Variants in EYA4 observed in about 807,000 individuals in gnomAD.
EYA4 encodes the protein protein phosphatase EYA4.
Under a neutral mutation model 87.9 loss-of-function variants are expected in EYA4, and 31 were observed. The observed-to-expected ratio is 0.35, with a 90% CI of 0.27 to 0.48. The LOEUF (loss-of-function observed/expected upper bound fraction) is 0.48. Among genes scored for constraint, EYA4 ranks in the 20% least tolerant of loss-of-function variants. EYA4 has a pLI of 0.99. For missense variants in EYA4, 678 were observed against 761.4 expected (o/e 0.89, Z 1.29); for synonymous variants, 263 against 270.6 (o/e 0.97, Z 0.28).
chr6:133,456,686 G>T, intron 6 of EYA4, 38 bp downstream of exon 6: 1 of 1,234,638 alleles, frequency 8.1e-7, no homozygotes, highest in Non-Finnish European at 1.2e-6. Flanking sequence ...CGTACACATG[G>T]GGGTGCATCC....
intron 3 of EYA4, among the ~76,000 whole-genome samples, chr6:133,405,459 T>C (rs1788621211): frequency 6.6e-6 from 1 of 152,190 alleles, no homozygotes; most frequent in South Asian, 2.1e-4. Context: ...ATTCTTGCAT[T>C]GTCGTGATGA....
chr6:133,443,605 A>G (rs1193342911), intron 3 of EYA4, among the ~76,000 whole-genome samples: 1 of 152,068 alleles, frequency 6.6e-6, no homozygotes, highest in Non-Finnish European at 1.5e-5. Flanking sequence ...TAAAGTGGAA[A>G]CTTAGGTCAC....
At chr6:133,524,894 A>G (rs1024587037) in intron 18 of EYA4, 9 of 855,808 alleles carry the variant, frequency 1.1e-5, no homozygotes, top group African/African-American at 3.3e-5. Flanking sequence ...TGTTGATTTC[A>G]TAAACCCAGA....
chr6:133,529,759 A>C lies in EYA4; in HGVS notation c.*954A>C. ...TGGAAGGTTTGGGAAAGACTGTGGG[A>C]CCTTTACTTAGAAAGTGAAATGTAT... On this transcript the variant is annotated 3_prime_UTR_variant, in exon 20 of 20. Transcript: ENST00000355286. The C allele has an allele frequency of 1.0e-6, 1 of 985,118 alleles. No homozygotes were observed. The highest frequency in any genetic ancestry group is 1.2e-6 in the Non-Finnish European group (1 of 829,672). The allele number at this position is 985,118 out of a possible 1,614,324, so 61.0% of individuals were successfully genotyped here.
chr6:133,457,940 T>C (rs1794046101), intron 6 of EYA4, among the ~76,000 whole-genome samples: 1 of 152,208 alleles, frequency 6.6e-6, no homozygotes, highest in Non-Finnish European at 1.5e-5. Context: ...TTCAGAGCTC[T>C]CTGATCCGTT....
chr6:133,439,049 CAAAAAAAAAAAAAAAAA>C (rs56261819), intron 3 of EYA4, among the ~76,000 whole-genome samples: 1 of 64,024 alleles, frequency 1.6e-5, no homozygotes, highest in African/African-American at 6.6e-5. Context: ...GACTCCGTCT[CAAAAAAAAAAAAAAAAA>C]AAAAAAAAAA....
intron 1 of EYA4, among the ~76,000 whole-genome samples, chr6:133,250,796 G>T (rs1314448594): frequency 2.0e-5 from 3 of 152,208 alleles, no homozygotes; most frequent in Non-Finnish European, 4.4e-5. Context: ...TGCCTCATGG[G>T]GTTCTGATGA....
intron 3 of EYA4, among the ~76,000 whole-genome samples, chr6:133,398,520 C>G (rs1196914131): frequency 6.6e-6 from 1 of 151,592 alleles, no homozygotes; most frequent in Non-Finnish European, 1.5e-5. Context: ...ATTTTTTTTC[C>G]TCATATTTTC....
intron 2 of EYA4, among the ~76,000 whole-genome samples, chr6:133,333,574 T>C (rs772409362): frequency 1.2e-4 from 19 of 152,248 alleles, no homozygotes; most frequent in Non-Finnish European, 2.6e-4. Context: ...ATTTGCTTTC[T>C]TGAAGAAATT....
At chr6:133,410,420 A>C (rs1789108256) in intron 3 of EYA4, among the ~76,000 whole-genome samples, 1 of 151,842 alleles carries the variant, frequency 6.6e-6, no homozygotes, top group African/African-American at 2.4e-5. Flanking sequence ...AAGAAAATAT[A>C]TTATTTTGAG....
chr6:133,456,752 TC>T lies in EYA4; in HGVS notation c.370+106del, dbSNP rs145274552. ...AGCATCCAAGCTCTTAGAACTTTGA[TC>T]CTTATAAAGTTAGAAACAAATTCTT... On this transcript the variant is annotated intron_variant, in intron 6 of 19. Transcript: ENST00000355286. The T allele has an allele frequency of 4.1e-3, 3,092 of 753,602 alleles. 65 individuals carry two copies. The African/African-American group carries it at 0.046, about 11-fold the overall frequency. 46.7% of individuals were successfully genotyped at this position (753,602 alleles called of 1,614,324 possible).
At chr6:133,304,902 A>G (rs1779691277) in intron 2 of EYA4, among the ~76,000 whole-genome samples, 1 of 152,210 alleles carries the variant, frequency 6.6e-6, no homozygotes, top group African/African-American at 2.4e-5. Flanking sequence ...GAGATAGATA[A>G]GAAATAATAT....
chr6:133,415,654 C>CA lies in EYA4; in HGVS notation c.84-30975dup, dbSNP rs567653753. ...TCTCCTATAATTTACCATCTCCTGACATAATGCACAATTTACTTAGTTATT... is the reference window on the plus strand; with the variant it reads ...TCTCCTATAATTTACCATCTCCTGACAATAATGCACAATTTACTTAGTTATT... On this transcript the variant is annotated intron_variant, in intron 3 of 19. Coordinates refer to ENST00000355286, the MANE Select transcript of EYA4 (RefSeq NM_004100.5). 2.2e-3 allele frequency among the ~76,000 whole-genome samples: 337 copies of CA among 152,316 alleles called. 1 individual carries two copies. The highest frequency in any genetic ancestry group is 3.7e-3 in the Non-Finnish European group (249 of 68,032).
rs118166702 is a variant in EYA4 at position 133,523,045 on chromosome 6, C to T, written c.1617-11C>T. On this transcript the variant is annotated splice_polypyrimidine_tract_variant and intron_variant, in intron 17 of 19. Coordinates refer to ENST00000355286, the MANE Select transcript of EYA4 (RefSeq NM_004100.5). ...TAGAAAACAAACATGTATATTTCCT[C>T]CCTATTTTAGGAGTAACTGCATAAA... The T allele has an allele frequency of 3.1e-4, 502 of 1,605,806 alleles. No individual in the cohort carries two copies. Among genetic ancestry groups the T allele is most frequent in the Non-Finnish European group, 4.0e-4 (474 of 1,172,890 alleles).
At chr6:133,383,466 C>CGAGATTGT (rs577715598) in intron 3 of EYA4, among the ~76,000 whole-genome samples, 17 of 121,370 alleles carry the variant, frequency 1.4e-4, no homozygotes, top group Non-Finnish European at 2.2e-4. Context: ...TGCAGTGAGC[C>CGAGATTGT]GAGATTGTGC....
At chr6:133,462,899 A>T in intron 9 of EYA4, 135 bp downstream of exon 9, 2 of 823,010 alleles carry the variant, frequency 2.4e-6, no homozygotes, top group Non-Finnish European at 2.0e-6. Context: ...CTAAAGAAAG[A>T]TAACTAGACA....
chr6:133,272,594 G>A (rs948170009), intron 1 of EYA4, among the ~76,000 whole-genome samples: 2 of 152,210 alleles, frequency 1.3e-5, no homozygotes, highest in Non-Finnish European at 2.9e-5. Context: ...AAGGAAGGTA[G>A]TTATCTGTAG....
chr6:133,491,951 C>CAAAAAAAAAAAAAAAAAAAAA (rs34316449), intron 13 of EYA4, among the ~76,000 whole-genome samples: 3 of 83,740 alleles, frequency 3.6e-5, no homozygotes, highest in African/African-American at 1.4e-4. Flanking sequence ...AACTCCGTCT[C>CAAAAAAAAAAAAAAAAAAAAA]AAAAAAAAAA....
intron 1 of EYA4, among the ~76,000 whole-genome samples, chr6:133,249,259 A>C (rs1181632833): frequency 6.6e-6 from 1 of 152,162 alleles, no homozygotes; most frequent in Non-Finnish European, 1.5e-5. Context: ...TCAGGTATTC[A>C]AATTAGCTTT....
Sources: allele counts gnomAD v4.1 joint callset (sites outside exome capture counted in the v4.1 genomes callset), GRCh38; gene constraint gnomAD v4.1.1; transcripts MANE v1.5; gene names NCBI Gene and HGNC (gene_info 2026-07-23, HGNC 2026-07-21).